ARAP2: variants seen among roughly 807,000 people sequenced by gnomAD.
ARAP2 encodes arf-GAP with Rho-GAP domain, ANK repeat and PH domain-containing protein 2.
Under a neutral mutation model 194.5 loss-of-function variants are expected in ARAP2, and 148 were observed. That is an observed-to-expected ratio of 0.76 (90% confidence interval 0.67 to 0.87). The LOEUF (loss-of-function observed/expected upper bound fraction) is 0.87. Among genes scored for constraint, ARAP2 ranks in the 40% least tolerant of loss-of-function variants. The probability of loss-of-function intolerance (pLI) is 0.00; values close to 1 mark genes in which losing one functional copy is unlikely to be tolerated. For missense variants in ARAP2, 2,128 were observed against 1,989.7 expected, an observed-to-expected ratio of 1.07 and a Z score of -1.32; for synonymous variants, 695 against 683.5, an observed-to-expected ratio of 1.02 and a Z score of -0.26.
At chr4:36,197,554 T>C (rs1743390273) in intron 6 of ARAP2, among the ~76,000 whole-genome samples, 1 of 152,220 alleles carries the variant, frequency 6.6e-6, no homozygotes, top group African/African-American at 2.4e-5. Context: ...TTTGCCTGAG[T>C]TCTGCTCTGG....
chr4:36,213,319 T>C lies in ARAP2; in HGVS notation c.965A>G (p.Asn322Ser). 6.3e-7 allele frequency: 1 copy of C among 1,594,422 alleles called. No individual in the cohort carries two copies. Among genetic ancestry groups the C allele is most frequent in the Non-Finnish European group, 8.6e-7 (1 of 1,163,020 alleles). Residue 322 changes from asparagine to serine, a missense_variant and splice_region_variant, in exon 4 of 33, where the codon AAT (asparagine) becomes AGT (serine). By Grantham distance (46) the Asn-to-Ser change is conservative. Coordinates refer to ENST00000303965, the MANE Select transcript of ARAP2 (RefSeq NM_015230.4). ...TSTEKSVAWQ[N>S]SNEENSSSIF... Reference sequence around the variant, plus strand: ...GGAAGATGAATTCTCCTCATTTGAATCTTTTAGGGGAATTACAGGATGAGA... The same window carrying C: ...GGAAGATGAATTCTCCTCATTTGAACCTTTTAGGGGAATTACAGGATGAGA...
intron 21 of ARAP2, among the ~76,000 whole-genome samples, chr4:36,127,762 GATTT>G (rs1230543663): frequency 1.3e-5 from 2 of 151,598 alleles, no homozygotes; most frequent in African/African-American, 4.8e-5. Context: ...AAATGCTTAT[GATTT>G]ATTAATAAAA....
intron 1 of ARAP2, among the ~76,000 whole-genome samples, chr4:36,241,755 T>C (rs1054856035): frequency 6.6e-6 from 1 of 152,210 alleles, no homozygotes; most frequent in Non-Finnish European, 1.5e-5. Flanking sequence ...AATCCAATTT[T>C]ATGACCCTAA....
chr4:36,161,653 T>C (rs1733988525), intron 11 of ARAP2, 103 bp from the exon 12 acceptor site: 1 of 864,796 alleles, frequency 1.2e-6, no homozygotes. Flanking sequence ...TCGTTGCGTA[T>C]CTTCTCAACT....
chr4:36,046,149 C>A (rs1483446259), intron 4 of ARAP2: 1 of 152,118 alleles, frequency 6.6e-6, no homozygotes, highest in African/African-American at 2.4e-5. Context: ...TTCATTGTAC[C>A]AGCCTATAGG....
intron 15 of ARAP2, among the ~76,000 whole-genome samples, chr4:36,153,512 A>C (rs1731499853): frequency 6.6e-6 from 1 of 152,188 alleles, no homozygotes. Flanking sequence ...CTGTTCCATA[A>C]ACAGGAACTT....
chr4:36,142,761 G>C (rs1728646850), intron 19 of ARAP2, among the ~76,000 whole-genome samples: 1 of 151,580 alleles, frequency 6.6e-6, no homozygotes, highest in Non-Finnish European at 1.5e-5. Context: ...ATGATGTATA[G>C]TCATCAAAGC....
At chr4:36,212,540 G>A in intron 4 of ARAP2, 53 bp from the exon 5 acceptor site, 5 of 1,362,710 alleles carry the variant, frequency 3.7e-6, no homozygotes, top group Non-Finnish European at 5.2e-6. Context: ...TTTTTGGTTT[G>A]GGGATTTGTT....
chr4:36,011,082 C>T (rs1280763012), intron 9 of ARAP2, among the ~76,000 whole-genome samples: 1 of 152,100 alleles, frequency 6.6e-6, no homozygotes, highest in Non-Finnish European at 1.5e-5. Flanking sequence ...CTTGATCCAG[C>T]AATGTCCAAG....
At chr4:36,165,614 A>C (rs1281281179) in intron 10 of ARAP2, among the ~76,000 whole-genome samples, 3 of 152,074 alleles carry the variant, frequency 2.0e-5, no homozygotes, top group African/African-American at 7.2e-5. Flanking sequence ...GATGGTTCTA[A>C]GGAACTGGGA....
At chr4:36,026,621 ATTAACTCT>A (rs1309176222) in intron 5 of ARAP2, among the ~76,000 whole-genome samples, 1 of 152,198 alleles carries the variant, frequency 6.6e-6, no homozygotes, top group Admixed American at 6.6e-5. Context: ...TCAGCAGGAG[ATTAACTCT>A]GCCTCTAGGA....
At chr4:36,210,334 AT>A in intron 6 of ARAP2, 55 bp downstream of exon 6, 1 of 1,482,574 alleles carries the variant, frequency 6.7e-7, no homozygotes, top group Non-Finnish European at 9.1e-7. Flanking sequence ...TTAGAAATGA[AT>A]AAACTTGAAA....
chr4:36,156,994 G>T (rs1356321813), intron 15 of ARAP2, among the ~76,000 whole-genome samples: 1 of 152,138 alleles, frequency 6.6e-6, no homozygotes, highest in African/African-American at 2.4e-5. Flanking sequence ...TTACATCAAT[G>T]AGGTACTCAA....
At chr4:36,099,033 G>A (rs1190283320) in intron 27 of ARAP2, among the ~76,000 whole-genome samples, 1 of 151,798 alleles carries the variant, frequency 6.6e-6, no homozygotes, top group African/African-American at 2.4e-5. Context: ...TCTTCCTGAT[G>A]TGTTCCCTCC....
At chr4:36,237,447 G>A (rs903995448) in intron 1 of ARAP2, among the ~76,000 whole-genome samples, 4 of 152,170 alleles carry the variant, frequency 2.6e-5, no homozygotes, top group Non-Finnish European at 5.9e-5. Context: ...AGGGGACCTC[G>A]CAGTGGGAAG....
chr4:36,203,294 C>A (rs989820145), intron 6 of ARAP2, among the ~76,000 whole-genome samples: 41 of 152,040 alleles, frequency 2.7e-4, no homozygotes, highest in African/African-American at 9.7e-4. Flanking sequence ...CACCCAAAAA[C>A]TGGTTACCAG....
chr4:36,210,451 A>T lies in ARAP2; in HGVS notation c.1426T>A (p.Phe476Ile). ...SSQAISPYAC[F>I]YGASAKKVKS... ...ACCTTCTTTGCAGATGCTCCATAAA[A>T]GCAGGCATAGGGAGATATTGCCTGT... is the stretch of plus-strand genomic sequence containing the variant. Residue 476 changes from phenylalanine to isoleucine, a missense_variant, in exon 6 of 33, where the codon TTT becomes ATT. Phe to Ile is a conservative substitution (Grantham distance 21). Transcript: ENST00000303965. 1 of 1,613,856 alleles carries T rather than the reference A, an allele frequency of 6.2e-7. No homozygotes were observed. Among genetic ancestry groups the T allele is most frequent in the Non-Finnish European group, 8.5e-7 (1 of 1,179,832 alleles).
At chr4:36,142,304 C>A (rs1030877981) in intron 19 of ARAP2, among the ~76,000 whole-genome samples, 2 of 151,614 alleles carry the variant, frequency 1.3e-5, no homozygotes, top group African/African-American at 4.8e-5. Flanking sequence ...GACCTTCAAT[C>A]TCTCCCATTT....
At chr4:36,097,864 G>T (rs1715736955) in intron 27 of ARAP2, among the ~76,000 whole-genome samples, 1 of 151,928 alleles carries the variant, frequency 6.6e-6, no homozygotes, top group African/African-American at 2.4e-5. Context: ...TTATTGAAAG[G>T]TCTTTAAAAT....
Sources: allele counts gnomAD v4.1 joint callset (sites outside exome capture counted in the v4.1 genomes callset), GRCh38; gene constraint gnomAD v4.1.1; transcripts MANE v1.5; gene names NCBI Gene and HGNC (gene_info 2026-07-23, HGNC 2026-07-21).